Variants in EXOC5 observed in about 807,000 individuals in gnomAD.
EXOC5 encodes exocyst complex component 5, also known as SEC10-like 1.
A neutral mutation model predicts 90.8 loss-of-function variants in EXOC5; 17 were observed. That is an observed-to-expected ratio of 0.19 (90% CI 0.13 to 0.28). The LOEUF (loss-of-function observed/expected upper bound fraction) is 0.28. EXOC5 is among the 10% of genes least tolerant of loss of function. The probability of loss-of-function intolerance (pLI) is 1.00; values close to 1 mark genes in which losing one functional copy is unlikely to be tolerated. For synonymous variants in EXOC5, 260 were observed against 270.0 expected (o/e 0.96, Z 0.36); for missense variants, 569 against 830.6 (o/e 0.69, Z 3.87).
intron 1 of EXOC5, among the ~76,000 whole-genome samples, chr14:57,247,996 T>C (rs997635917): frequency 1.1e-4 from 17 of 151,754 alleles, no homozygotes; most frequent in Non-Finnish European, 2.2e-4. Context: ...ACAAGTAATT[T>C]GTAGAAGAAA....
intron 15 of EXOC5, among the ~76,000 whole-genome samples, chr14:57,214,003 T>C (rs550550063): frequency 6.6e-6 from 1 of 152,036 alleles, no homozygotes; most frequent in East Asian, 1.9e-4. Context: ...AAACATAAAG[T>C]TTCCTCTTGT....
In EXOC5 at chr14:57,225,231, C is replaced by T. The variant is rs1037582849; in HGVS notation, c.1297-2815G>A. 7.2e-5 allele frequency among the ~76,000 whole-genome samples: 11 copies of T among 152,276 alleles called. No individual in the cohort carries two copies. In the East Asian group the frequency reaches 9.6e-4, roughly 13 times the overall value. ...GCAAGGCCAACATTTGAAAATCAATCACTATAATTTACCATATTAACAGAA... is the reference window on the plus strand; with the variant it reads ...GCAAGGCCAACATTTGAAAATCAATTACTATAATTTACCATATTAACAGAA... On this transcript the variant is annotated intron_variant, in intron 12 of 17. Transcript: ENST00000621441.
At position 57,268,272 on chromosome 14, in the gene EXOC5, G is replaced by C. The variant is rs78820453; in HGVS notation, c.27+350C>G. The C allele has an allele frequency of 1.3e-4, 52 of 401,712 alleles. No homozygotes were observed. The East Asian group carries it at 2.7e-3, about 21-fold the overall frequency. 24.9% of individuals were successfully genotyped at this position (401,712 alleles called of 1,614,324 possible). A position where few individuals can be genotyped will look rare whatever the true frequency, so the allele number is the denominator to read the frequency against. On this transcript the variant is annotated intron_variant, in intron 1 of 17. Coordinates refer to ENST00000621441, the MANE Select transcript of EXOC5 (RefSeq NM_006544.4). ...CTGAGGCTCCTGGCTCTCTTTCCTC[G>C]TCCTGAGTCAGCCCTTCCCACTACT... is the stretch of plus-strand genomic sequence containing the variant.
In EXOC5 at chr14:57,268,728, G is replaced by C. The variant is rs972769981; in HGVS notation, c.-80C>G. The C allele has an allele frequency of 6.6e-7, 1 of 1,514,456 alleles. No individual in the cohort carries two copies. The highest frequency in any genetic ancestry group is 1.2e-5 in the South Asian group (1 of 82,206). The allele number at this position is 1,514,456 out of a possible 1,614,324, so 93.8% of individuals were successfully genotyped here. Reference sequence around the variant, plus strand: ...TGCGCCTCAGAGGCGCGGCGCACAGGTCTCCGCTCGGCTCGCCAGCTCCGG... The same window carrying C: ...TGCGCCTCAGAGGCGCGGCGCACAGCTCTCCGCTCGGCTCGCCAGCTCCGG... On this transcript the variant is annotated 5_prime_UTR_variant, in exon 1 of 18. Transcript: ENST00000621441.
At chr14:57,237,462 A>G (rs1883696341) in intron 5 of EXOC5, 96 bp from the exon 6 acceptor site, 1 of 731,852 alleles carries the variant, frequency 1.4e-6, no homozygotes, top group East Asian at 2.7e-5. Context: ...GGTGCAGGAG[A>G]TACGAGAACC....
intron 1 of EXOC5, among the ~76,000 whole-genome samples, chr14:57,257,960 G>A (rs1884399147): frequency 6.6e-6 from 1 of 152,048 alleles, no homozygotes. Flanking sequence ...GTAATCAAAA[G>A]CAAAAATTAC....
At chr14:57,219,584 G>C in intron 13 of EXOC5, 142 bp from the exon 14 acceptor site, 1 of 660,518 alleles carries the variant, frequency 1.5e-6, no homozygotes, top group Non-Finnish European at 2.5e-6. Flanking sequence ...GACTTCTGTG[G>C]ACAGAAGAGG....
intron 15 of EXOC5, among the ~76,000 whole-genome samples, chr14:57,214,319 T>C (rs1038065804): frequency 1.4e-4 from 22 of 152,208 alleles, no homozygotes; most frequent in Non-Finnish European, 1.9e-4. Context: ...GTGCTGTGCA[T>C]CTGTATTTTG....
At chr14:57,247,569 TA>T in intron 2 of EXOC5, 48 bp downstream of exon 2, 3 of 800,394 alleles carry the variant, frequency 3.7e-6, no homozygotes, top group Non-Finnish European at 6.0e-6. Context: ...ATTCTAACAC[TA>T]ATGTGTACCA....
Position 57,218,088 on chromosome 14 carries a change from G to A in EXOC5, c.1527-20C>T. 8.3e-7 allele frequency: 1 copy of A among 1,199,532 alleles called. No individual in the cohort carries two copies. Among genetic ancestry groups the A allele is most frequent in the South Asian group, 1.3e-5 (1 of 77,218 alleles). 74.3% of individuals were successfully genotyped at this position (1,199,532 alleles called of 1,614,324 possible). ...GAAGAGCTATTGTATATTTAAAATG[G>A]AAAAAGAATCATATTAATAGTCTAA... is the stretch of plus-strand genomic sequence containing the variant. On this transcript the variant is annotated intron_variant, in intron 14 of 17. Transcript: ENST00000621441.
At chr14:57,241,398 A>G (rs1883853505) in intron 4 of EXOC5, among the ~76,000 whole-genome samples, 1 of 152,188 alleles carries the variant, frequency 6.6e-6, no homozygotes, top group African/African-American at 2.4e-5. Flanking sequence ...TAGTTGTATT[A>G]GCAAAATCCA....
intron 1 of EXOC5, among the ~76,000 whole-genome samples, chr14:57,256,896 G>A (rs1028386868): frequency 2.6e-5 from 4 of 152,188 alleles, no homozygotes; most frequent in African/African-American, 9.7e-5. Flanking sequence ...GACGAAAACT[G>A]TAACTCTACT....
At position 57,208,666 on chromosome 14, in the gene EXOC5, G is replaced by A. The variant is rs780726218; in HGVS notation, c.2070C>T (p.Ser690=). The A allele has an allele frequency of 6.2e-7, 1 of 1,611,714 alleles. No individual in the cohort carries two copies. The highest frequency in any genetic ancestry group is 1.3e-5 in the African/African-American group (1 of 74,864). Residue 690 remains serine (S), a synonymous_variant, in exon 18 of 18, where the codon TCC becomes TCT. Transcript: ENST00000621441. ...TATAATCAGCACGAAGTTGTACGAAGGAGTGAAGTATATTCTTGTCCAGAT... is the reference window on the plus strand; with the variant it reads ...TATAATCAGCACGAAGTTGTACGAAAGAGTGAAGTATATTCTTGTCCAGAT... ...LANLDKNILH[S]FVQLRADYRS...
intron 4 of EXOC5, among the ~76,000 whole-genome samples, chr14:57,241,362 G>A (rs1883852055): frequency 6.6e-6 from 1 of 152,136 alleles, no homozygotes; most frequent in African/African-American, 2.4e-5. Context: ...AAATATCACT[G>A]CAGTATCTGT....
rs1265402069 is a variant in EXOC5 at position 57,208,596 on chromosome 14, T to C, written c.*13A>G. ...TAAAGGAACTGACACTGAATTCCTTTGTAAATTCAATCTCAGCTGAAGTGT... is the reference window on the plus strand; with the variant it reads ...TAAAGGAACTGACACTGAATTCCTTCGTAAATTCAATCTCAGCTGAAGTGT... On this transcript the variant is annotated 3_prime_UTR_variant, in exon 18 of 18. Coordinates refer to ENST00000621441, the MANE Select transcript of EXOC5 (RefSeq NM_006544.4). The C allele has an allele frequency of 2.5e-6, 4 of 1,583,166 alleles. No individual in the cohort carries two copies. Among genetic ancestry groups the C allele is most frequent in the East Asian group, 2.3e-5 (1 of 44,382 alleles).
intron 1 of EXOC5, among the ~76,000 whole-genome samples, chr14:57,265,704 G>C (rs1247438167): frequency 6.6e-6 from 1 of 152,170 alleles, no homozygotes; most frequent in South Asian, 2.1e-4. Flanking sequence ...CAGCCTATGC[G>C]ATAGAGCAAG....
intron 11 of EXOC5, among the ~76,000 whole-genome samples, chr14:57,230,559 A>C (rs1883453951): frequency 6.6e-6 from 1 of 152,176 alleles, no homozygotes; most frequent in Non-Finnish European, 1.5e-5. Context: ...ATTATTTAAT[A>C]CACAACAAAA....
intron 12 of EXOC5, among the ~76,000 whole-genome samples, chr14:57,228,722 G>A (rs1042580637): frequency 2.0e-5 from 3 of 151,868 alleles, no homozygotes; most frequent in African/African-American, 4.8e-5. Flanking sequence ...GGGGGACTAA[G>A]GGAGGAATAG....
intron 15 of EXOC5, among the ~76,000 whole-genome samples, chr14:57,215,880 A>C (rs1450568714): frequency 6.6e-6 from 1 of 152,200 alleles, no homozygotes; most frequent in African/African-American, 2.4e-5. Context: ...GAAAGAAAGA[A>C]GTAAAACTGT....
Sources: gnomAD v4.1 joint callset for allele counts (sites outside exome capture counted in the v4.1 genomes callset) on GRCh38, gnomAD v4.1.1 for gene constraint, MANE v1.5 for transcripts, NCBI Gene and HGNC (gene_info 2026-07-23, HGNC 2026-07-21) for gene names.